Variants in CFDP1 observed in about 807,000 individuals in gnomAD.
CFDP1 encodes the protein chromatin remodeling protein CFDP1.
A neutral mutation model predicts 40.1 loss-of-function variants in CFDP1; 31 were observed. The ratio of observed to expected loss-of-function variants is 0.77; its 90% CI spans 0.58 to 1.04. The LOEUF (loss-of-function observed/expected upper bound fraction) is 1.04. CFDP1 is among the 50% of genes least tolerant of loss of function. The pLI, the probability that CFDP1 is intolerant of heterozygous loss-of-function variation, is 0.00. For missense variants in CFDP1, 423 were observed against 343.4 expected (o/e 1.23, Z -1.83); for synonymous variants, 167 against 120.0 (o/e 1.39, Z -2.56).
At chr16:75,340,709 T>TTCTC (rs1204911059) in intron 5 of CFDP1, among the ~76,000 whole-genome samples, 1 of 152,236 alleles carries the variant, frequency 6.6e-6, no homozygotes, top group Non-Finnish European at 1.5e-5. Flanking sequence ...GACGCTCTAC[T>TTCTC]TCTCTGTCAC....
At chr16:75,412,879 T>C (rs2079175167) in intron 2 of CFDP1, 125 bp from the exon 3 acceptor site, 5 of 690,440 alleles carry the variant, frequency 7.2e-6, no homozygotes, top group South Asian at 7.2e-5. Flanking sequence ...TACTGGTTAA[T>C]ATACTGAAGT....
intron 5 of CFDP1, chr16:75,391,611 T>C (rs189489946): frequency 1.3e-5 from 2 of 152,348 alleles, no homozygotes; most frequent in African/African-American, 4.8e-5. Flanking sequence ...CCTATTTTTA[T>C]AGGTGTACAA....
chr16:75,333,358 C>CAG (rs1486279540), intron 5 of CFDP1, among the ~76,000 whole-genome samples: 7 of 147,056 alleles, frequency 4.8e-5, no homozygotes, highest in Admixed American at 4.1e-4. Flanking sequence ...CTCCTCACCT[C>CAG]GTGATCCGCC....
At chr16:75,325,779 A>ATT (rs1403896688) in intron 5 of CFDP1, among the ~76,000 whole-genome samples, 1 of 152,222 alleles carries the variant, frequency 6.6e-6, no homozygotes, top group African/African-American at 2.4e-5. Flanking sequence ...TGATTAAAGT[A>ATT]ACAACTCTGC....
At chr16:75,360,967 A>C (rs1376512966) in intron 5 of CFDP1, among the ~76,000 whole-genome samples, 1 of 152,160 alleles carries the variant, frequency 6.6e-6, no homozygotes, top group African/African-American at 2.4e-5. Flanking sequence ...ATGTTAAGAT[A>C]CATTTTTGGC....
At chr16:75,299,934 C>T (rs74743447) in intron 6 of CFDP1, among the ~76,000 whole-genome samples, 3,352 of 152,088 alleles carry the variant, frequency 0.022, 71 homozygotes, top group African/African-American at 0.054. Context: ...GGAAGGAGCA[C>T]TACACAGAGA....
At chr16:75,359,636 TA>T (rs1213821076) in intron 5 of CFDP1, among the ~76,000 whole-genome samples, 1 of 152,152 alleles carries the variant, frequency 6.6e-6, no homozygotes, top group Non-Finnish European at 1.5e-5. Flanking sequence ...GCAATTGCCC[TA>T]ACCATGATCA....
rs544366417 is a variant in CFDP1 at position 75,359,671 on chromosome 16, G to A, written c.650+35419C>T. 3.9e-5 allele frequency among the ~76,000 whole-genome samples: 6 copies of A among 152,240 alleles called. No individual in the cohort carries two copies. In the South Asian group the frequency reaches 1.2e-3, roughly 32 times the overall value. On this transcript the variant is annotated intron_variant, in intron 5 of 6. Transcript: ENST00000283882. ...CACCTCCACCTTGCACTTGGTACCAGTGCCCACCTTCTATCAGATTCTATT... is the reference window on the plus strand; with the variant it reads ...CACCTCCACCTTGCACTTGGTACCAATGCCCACCTTCTATCAGATTCTATT...
chr16:75,297,168 G>GTGTGTGTGTGTGTGTC, intron 6 of CFDP1, among the ~76,000 whole-genome samples: 1 of 95,058 alleles, frequency 1.1e-5, no homozygotes, highest in African/African-American at 4.8e-5. Context: ...GTGTGTGTCT[G>GTGTGTGTGTGTGTGTC]TGTGTGTGTG....
rs551276665 is a variant in CFDP1, at chr16:75,433,435, G to C, written c.-83C>G. On this transcript the variant is annotated 5_prime_UTR_variant, in exon 1 of 7. Coordinates refer to ENST00000283882, the MANE Select transcript of CFDP1 (RefSeq NM_006324.3). ...CAAAGCTCTAGGGAGAGACCATAGA[G>C]CCCCGGCGGCGGCGACGGCAGCTAG... The C allele has an allele frequency of 3.5e-6, 5 of 1,410,202 alleles. No homozygotes were observed. In the African/African-American group the frequency reaches 5.7e-5, roughly 16 times the overall value. 87.4% of individuals were successfully genotyped at this position (1,410,202 alleles called of 1,614,324 possible).
intron 2 of CFDP1, among the ~76,000 whole-genome samples, chr16:75,414,137 A>C (rs1413661543): frequency 6.6e-6 from 1 of 152,166 alleles, no homozygotes; most frequent in Non-Finnish European, 1.5e-5. Context: ...CTGCCATGGT[A>C]CTATCTCCAA....
At chr16:75,343,432 T>C (rs1224057067) in intron 5 of CFDP1, among the ~76,000 whole-genome samples, 1 of 152,108 alleles carries the variant, frequency 6.6e-6, no homozygotes, top group African/African-American at 2.4e-5. Context: ...TCCATTTTTT[T>C]CCAGCAAAAA....
At chr16:75,385,132 A>G (rs1355220430) in intron 5 of CFDP1, among the ~76,000 whole-genome samples, 1 of 151,924 alleles carries the variant, frequency 6.6e-6, no homozygotes, top group Non-Finnish European at 1.5e-5. Flanking sequence ...AATACTTGGA[A>G]TATTTTGAAT....
At chr16:75,363,271 CAAA>C (rs34693612) in intron 5 of CFDP1, among the ~76,000 whole-genome samples, 18 of 138,404 alleles carry the variant, frequency 1.3e-4, no homozygotes, top group Non-Finnish European at 9.3e-5. Flanking sequence ...GTCTGAGCAC[CAAA>C]AAAAAAAAAA....
chr16:75,336,079 C>T (rs1033543692), intron 5 of CFDP1, among the ~76,000 whole-genome samples: 7 of 152,162 alleles, frequency 4.6e-5, no homozygotes, highest in Admixed American at 2.0e-4. Flanking sequence ...ATTGCAGCTG[C>T]CCCTCTGCCC....
chr16:75,302,965 G>A (rs2078231016), intron 6 of CFDP1, among the ~76,000 whole-genome samples: 1 of 152,188 alleles, frequency 6.6e-6, no homozygotes, highest in Admixed American at 6.5e-5. Context: ...GGAGGCCGAG[G>A]CGGGTGGGCA....
chr16:75,411,816 T>C lies in CFDP1; in HGVS notation c.530+9A>G. ...ATGCTAGTTTCAAAGTTTTTGAAGG[T>C]TCTCTTACCTTACTTCTTCACCAGC... On this transcript the variant is annotated intron_variant, in intron 4 of 6. Coordinates refer to ENST00000283882, the MANE Select transcript of CFDP1 (RefSeq NM_006324.3). The C allele has an allele frequency of 6.2e-7, 1 of 1,605,772 alleles. No homozygotes were observed. Among genetic ancestry groups the C allele is most frequent in the East Asian group, 2.2e-5 (1 of 44,752 alleles).
Position 75,312,727 on chromosome 16 carries a change from C to A in CFDP1, c.651-7545G>T, listed in dbSNP as rs2078301744. Among the ~76,000 whole-genome samples the A allele has an allele frequency of 2.0e-5, 3 of 152,170 alleles. No individual in the cohort carries two copies. In the South Asian group the frequency reaches 6.2e-4, roughly 31 times the overall value. The stretch of plus-strand genomic sequence containing the variant: ...GGTGTGTTTTGCCCTGTTCTGGCCT[C>A]TCAGCTGACTGTCAGGGAGAACTAA... On this transcript the variant is annotated intron_variant, in intron 5 of 6. Transcript: ENST00000283882.
intron 4 of CFDP1, among the ~76,000 whole-genome samples, chr16:75,408,543 C>T (rs2079125441): frequency 6.6e-6 from 1 of 151,964 alleles, no homozygotes; most frequent in South Asian, 2.1e-4. Context: ...CTTTGGGAGG[C>T]TGAGGAGGGT....
Sources: allele counts gnomAD v4.1 joint callset (sites outside exome capture counted in the v4.1 genomes callset), GRCh38; gene constraint gnomAD v4.1.1; transcripts MANE v1.5; gene names NCBI Gene and HGNC (gene_info 2026-07-23, HGNC 2026-07-21).